SMAD5: variants seen among roughly 807,000 people sequenced by gnomAD.
SMAD5 encodes SMAD family member 5.
In SMAD5, 9 loss-of-function variants were observed where a neutral mutation model predicts 43.1. That is an observed-to-expected ratio of 0.21 (90% CI 0.13 to 0.36). The LOEUF (loss-of-function observed/expected upper bound fraction) is 0.36. Among genes scored for constraint, SMAD5 ranks in the 10% least tolerant of loss-of-function variants. The pLI, the probability that SMAD5 is intolerant of heterozygous loss-of-function variation, is 1.00. For missense variants in SMAD5, 348 were observed against 574.0 expected, an observed-to-expected ratio of 0.61 and a Z score of 4.02; for synonymous variants, 190 against 192.4, an observed-to-expected ratio of 0.99 and a Z score of 0.10.
intron 2 of SMAD5, among the ~76,000 whole-genome samples, chr5:136,148,458 A>G (rs1331895672): frequency 1.3e-5 from 2 of 151,804 alleles, no homozygotes; most frequent in Non-Finnish European, 3.0e-5. Context: ...AAACTCATAC[A>G]TATAAAACAT....
intron 7 of SMAD5, 37 bp from the exon 8 acceptor site, chr5:136,177,300 A>G: frequency 1.1e-5 from 18 of 1,608,614 alleles, no homozygotes; most frequent in Non-Finnish European, 1.5e-5. Context: ...TGACAGTTTA[A>G]AGAGGGATTT....
At chr5:136,165,339 G>C (rs1753958599) in intron 5 of SMAD5, among the ~76,000 whole-genome samples, 1 of 151,832 alleles carries the variant, frequency 6.6e-6, no homozygotes, top group Admixed American at 6.6e-5. Context: ...TTGAGATGGA[G>C]TCTTACAGTG....
intron 1 of SMAD5, among the ~76,000 whole-genome samples, chr5:136,139,399 C>T (rs1752997093): frequency 6.6e-6 from 1 of 152,062 alleles, no homozygotes; most frequent in Non-Finnish European, 1.5e-5. Flanking sequence ...CTTCCTTTAG[C>T]TTTCTTATCT....
At chr5:136,137,271 C>CCCCG (rs138155226) in intron 1 of SMAD5, among the ~76,000 whole-genome samples, 1 of 69,888 alleles carries the variant, frequency 1.4e-5, no homozygotes, top group Non-Finnish European at 2.8e-5. Context: ...TTTTTTGGGA[C>CCCCG]CCCCCCCCGC....
intron 5 of SMAD5, among the ~76,000 whole-genome samples, chr5:136,166,525 G>A (rs1754019844): frequency 6.6e-6 from 1 of 152,074 alleles, no homozygotes; most frequent in Admixed American, 6.6e-5. Context: ...AATGGAACAT[G>A]AATTTCTGGA....
At chr5:136,139,921 C>T (rs959301032) in intron 1 of SMAD5, among the ~76,000 whole-genome samples, 2 of 152,004 alleles carry the variant, frequency 1.3e-5, no homozygotes, top group Non-Finnish European at 2.9e-5. Context: ...CTATGTTGCC[C>T]AGGCTAGGCT....
chr5:136,144,204 G>T (rs546084198), intron 1 of SMAD5, among the ~76,000 whole-genome samples: 1 of 152,094 alleles, frequency 6.6e-6, no homozygotes, highest in Non-Finnish European at 1.5e-5. Context: ...GGGATTCTCT[G>T]GTTTTCAAGC....
intron 1 of SMAD5, among the ~76,000 whole-genome samples, chr5:136,144,517 G>A (rs1753194364): frequency 6.6e-6 from 1 of 151,772 alleles, no homozygotes; most frequent in Non-Finnish European, 1.5e-5. Context: ...AAAATAGCTT[G>A]ACGATTTAAG....
intron 1 of SMAD5, among the ~76,000 whole-genome samples, chr5:136,139,048 T>G (rs1009713971): frequency 1.3e-5 from 2 of 152,128 alleles, no homozygotes; most frequent in African/African-American, 4.8e-5. Flanking sequence ...TATTTCAGAT[T>G]GCAGCAGTCA....
At chr5:136,173,715 G>C (rs1754304485) in intron 6 of SMAD5, among the ~76,000 whole-genome samples, 1 of 151,796 alleles carries the variant, frequency 6.6e-6, no homozygotes, top group African/African-American at 2.4e-5. Context: ...TTGGGGTGGT[G>C]GAGGGATATG....
chr5:136,150,005 A>G (rs974901116), intron 2 of SMAD5, among the ~76,000 whole-genome samples: 7 of 151,702 alleles, frequency 4.6e-5, no homozygotes, highest in African/African-American at 1.7e-4. Context: ...AAACTCTCCC[A>G]TATGTTTAAT....
At chr5:136,149,381 A>C (rs1432741943) in intron 2 of SMAD5, among the ~76,000 whole-genome samples, 1 of 151,792 alleles carries the variant, frequency 6.6e-6, no homozygotes, top group Non-Finnish European at 1.5e-5. Context: ...GTTTAGCGTT[A>C]GTGGATACTG....
intron 6 of SMAD5, among the ~76,000 whole-genome samples, chr5:136,173,836 A>G (rs750084212): frequency 6.6e-6 from 1 of 151,440 alleles, no homozygotes; most frequent in Non-Finnish European, 1.5e-5. Flanking sequence ...TTGCCCTCAC[A>G]TCTTGCAAAG....
chr5:136,135,564 A>G (rs1752845647), intron 1 of SMAD5, among the ~76,000 whole-genome samples: 1 of 152,230 alleles, frequency 6.6e-6, no homozygotes, highest in African/African-American at 2.4e-5. Context: ...TTCTTAATAC[A>G]GTTACTTAAG....
intron 7 of SMAD5, among the ~76,000 whole-genome samples, chr5:136,175,311 G>A (rs887085966): frequency 6.6e-6 from 1 of 152,104 alleles, no homozygotes; most frequent in Non-Finnish European, 1.5e-5. Flanking sequence ...TATTAAAATT[G>A]CTATTTGAGT....
intron 4 of SMAD5, 149 bp downstream of exon 4, chr5:136,161,256 A>G (rs1753818382): frequency 2.6e-6 from 2 of 756,330 alleles, no homozygotes; most frequent in Admixed American, 5.9e-5. Context: ...TTTGATTTCC[A>G]GAAGAGTTTA....
chr5:136,148,564 C>T (rs890426730), intron 2 of SMAD5, among the ~76,000 whole-genome samples: 1 of 151,788 alleles, frequency 6.6e-6, no homozygotes, highest in Non-Finnish European at 1.5e-5. Context: ...ACATTATCCC[C>T]ATGGGTCTTG....
intron 1 of SMAD5, among the ~76,000 whole-genome samples, chr5:136,146,799 G>A (rs1480219884): frequency 3.3e-5 from 5 of 151,672 alleles, no homozygotes; most frequent in African/African-American, 1.2e-4. Flanking sequence ...ACTATAGGTG[G>A]TTTAGTTCCT....
chr5:136,177,576 A>G lies in SMAD5; in HGVS notation c.*96A>G. 2.3e-6 allele frequency: 2 copies of G among 866,194 alleles called. No individual in the cohort carries two copies. Among genetic ancestry groups the G allele is most frequent in the East Asian group, 2.7e-5 (1 of 37,386 alleles). The allele number at this position is 866,194 out of a possible 1,614,324, so 53.7% of individuals were successfully genotyped here. On this transcript the variant is annotated 3_prime_UTR_variant, in exon 8 of 8. Transcript: ENST00000545279. ...TACTGTGAGCTTACATTGAAAACAGATATTACAGCTTATTTTTTTCTACAT... is the reference window on the plus strand; with the variant it reads ...TACTGTGAGCTTACATTGAAAACAGGTATTACAGCTTATTTTTTTCTACAT...
Sources: gnomAD v4.1 joint callset for allele counts (sites outside exome capture counted in the v4.1 genomes callset) on GRCh38, gnomAD v4.1.1 for gene constraint, MANE v1.5 for transcripts, NCBI Gene and HGNC (gene_info 2026-07-23, HGNC 2026-07-21) for gene names.